The following GATA4 variants were observed in gnomAD, a reference collection of about 807,000 sequenced individuals.
GATA4 encodes the protein GATA binding protein 4.
A neutral mutation model predicts 37.9 loss-of-function variants in GATA4; 7 were observed. The observed-to-expected ratio is 0.18, with a 90% confidence interval of 0.11 to 0.35. The LOEUF (loss-of-function observed/expected upper bound fraction) is 0.35. Ranked by LOEUF, GATA4 falls within the 10% of genes least tolerant of loss-of-function variation. The pLI is 1.00. For missense variants in GATA4, 647 were observed against 653.0 expected (o/e 0.99, Z 0.10); for synonymous variants, 372 against 292.6 (o/e 1.27, Z -2.77).
Position 11,697,740 on chromosome 8 carries a change from C to A in GATA4, c.-728-2768C>A, listed in dbSNP as rs1271512201. On this transcript the variant is annotated intron_variant, in intron 1 of 2. Transcript: ENST00000526974. ...TTGACACTTTCCTGTCTCTGCTCGCCGCGCCAGGTCGCGGCGCCTGCCTGG... is the reference window on the plus strand; with the variant it reads ...TTGACACTTTCCTGTCTCTGCTCGCAGCGCCAGGTCGCGGCGCCTGCCTGG... 4.1e-6 allele frequency: 4 copies of A among 985,308 alleles called. No homozygotes were observed. In the African/African-American group the frequency reaches 7.0e-5, roughly 17 times the overall value. The allele number at this position is 985,308 out of a possible 1,614,324, so 61.0% of individuals were successfully genotyped here. A position where few individuals can be genotyped will look rare whatever the true frequency, so the allele number is the denominator to read the frequency against.
intron 2 of GATA4, among the ~76,000 whole-genome samples, chr8:11,711,717 C>G (rs922449196): frequency 9.5e-5 from 14 of 146,740 alleles, no homozygotes; most frequent in African/African-American, 3.6e-4. Flanking sequence ...CACTGCACTC[C>G]AGCCTGGGTG....
At chr8:11,730,175 A>G (rs563061937) in intron 2 of GATA4, among the ~76,000 whole-genome samples, 6 of 152,234 alleles carry the variant, frequency 3.9e-5, no homozygotes, top group Non-Finnish European at 5.9e-5. Context: ...CAGCCTCCCA[A>G]TGTGCTGGGA....
chr8:11,736,302 A>C (rs902313072), intron 2 of GATA4, among the ~76,000 whole-genome samples: 2 of 152,254 alleles, frequency 1.3e-5, no homozygotes, highest in African/African-American at 4.8e-5. Flanking sequence ...ATGCAGTGCC[A>C]CGTTGAATGC....
rs1022187831 is a variant in GATA4, at chr8:11,685,627, G to A, written c.-274+8564G>A. Among the ~76,000 whole-genome samples, 2 of 152,212 alleles carry A rather than the reference G, an allele frequency of 1.3e-5. 1 individual carries two copies. Among genetic ancestry groups the A allele is most frequent in the Non-Finnish European group, 2.9e-5 (2 of 68,036 alleles). On this transcript the variant is annotated intron_variant, in intron 1 of 6. Coordinates refer to the GATA4 transcript ENST00000528712. The stretch of plus-strand genomic sequence containing the variant: ...AGGCTAGAGATGTTCACAGTTGGTA[G>A]GAGTGATTTTTCCACAAGGAAGAGA...
At chr8:11,692,650 C>T (rs1799353474) in exon 1 of GATA4, 1 of 985,190 alleles carries the variant, frequency 1.0e-6, no homozygotes, top group East Asian at 1.1e-4. Context: ...CTCAGCCGAC[C>T]TCCACCGCGG....
chr8:11,732,702 T>C (rs1585648397), intron 2 of GATA4, among the ~76,000 whole-genome samples: 1 of 152,042 alleles, frequency 6.6e-6, no homozygotes, highest in Non-Finnish European at 1.5e-5. Flanking sequence ...GAAGAGGAGG[T>C]AGAGACTTCC....
In GATA4 at chr8:11,708,287, A is replaced by G. The variant is rs540411970; in HGVS notation, c.-26A>G. 2.5e-5 allele frequency: 39 copies of G among 1,562,162 alleles called. No individual in the cohort carries two copies. In the South Asian group the frequency reaches 4.4e-4, roughly 18 times the overall value. ...TTGACCTGCGAGGGAGAGAGAGGAC[A>G]CCGAAGCCGGGAGCTCGCAGGGACC... On this transcript the variant is annotated 5_prime_UTR_variant, in exon 2 of 7. Coordinates refer to ENST00000532059, the MANE Select transcript of GATA4 (RefSeq NM_001308093.3). The surrounding 1 kb of genome is among the most constrained non-coding windows in gnomAD (Gnocchi z 6.7).
At chr8:11,745,594 T>C (rs1188332484) in intron 2 of GATA4, among the ~76,000 whole-genome samples, 1 of 151,250 alleles carries the variant, frequency 6.6e-6, no homozygotes, top group East Asian at 2.0e-4. Flanking sequence ...TCACAAAAAG[T>C]TTTTCTTTAC....
At chr8:11,712,762 G>A (rs921525100) in intron 2 of GATA4, among the ~76,000 whole-genome samples, 7 of 152,026 alleles carry the variant, frequency 4.6e-5, no homozygotes, top group Non-Finnish European at 8.8e-5. Flanking sequence ...TCAGGAGGCT[G>A]AGGTGGGAGG....
upstream of GATA4, among the ~76,000 whole-genome samples, chr8:11,691,524 G>A (rs1466619931): frequency 1.3e-5 from 2 of 152,190 alleles, no homozygotes; most frequent in Admixed American, 6.5e-5. Context: ...GCTGGATTTC[G>A]AGAGCTTAAA....
chr8:11,686,243 C>A (rs1799132691), intron 1 of GATA4, among the ~76,000 whole-genome samples: 1 of 150,450 alleles, frequency 6.6e-6, no homozygotes, highest in Non-Finnish European at 1.5e-5. Context: ...CTTAATGTAG[C>A]ACATCCCAGT....
Position 11,680,426 on chromosome 8 carries a change from C to G in GATA4, c.-274+3363C>G, listed in dbSNP as rs1212388002. ...GCCCTCGGCCCACGAGGCTGAGGAG[C>G]TCCCTCTCATCGCCTCTCCGTTCCT... On this transcript the variant is annotated intron_variant, in intron 1 of 6. Coordinates refer to the GATA4 transcript ENST00000528712. 3 of 961,768 alleles carry G rather than the reference C, an allele frequency of 3.1e-6. No homozygotes were observed. The African/African-American group carries it at 5.3e-5, about 17-fold the overall frequency. 59.6% of individuals were successfully genotyped at this position (961,768 alleles called of 1,614,324 possible). A position where few individuals can be genotyped will look rare whatever the true frequency, so the allele number is the denominator to read the frequency against.
chr8:11,681,479 G>T, intron 1 of GATA4: 1 of 935,858 alleles, frequency 1.1e-6, no homozygotes, highest in Non-Finnish European at 1.2e-6. Flanking sequence ...CCCCGCGCGG[G>T]GTGCGGCGCT....
intron 4 of GATA4, among the ~76,000 whole-genome samples, chr8:11,754,738 C>T (rs756452791): frequency 3.9e-5 from 6 of 152,156 alleles, no homozygotes; most frequent in Admixed American, 6.5e-5. Context: ...TTTACATCAC[C>T]GACCAGAGTC....
At chr8:11,719,798 C>A (rs965658315) in intron 2 of GATA4, among the ~76,000 whole-genome samples, 1 of 152,096 alleles carries the variant, frequency 6.6e-6, no homozygotes, top group African/African-American at 2.4e-5. Flanking sequence ...TTAAATAAAG[C>A]AGAAATGAGA....
chr8:11,734,407 A>T (rs35726503), intron 2 of GATA4, among the ~76,000 whole-genome samples: 83,709 of 152,086 alleles, frequency 0.55, 24,054 homozygotes, highest in African/African-American at 0.65. Context: ...CTGGTGAGAG[A>T]CCCAAGCCTG....
At chr8:11,681,409 G>T in intron 1 of GATA4, 1 of 985,260 alleles carries the variant, frequency 1.0e-6, no homozygotes. Context: ...GATCACGCGT[G>T]GCTCAACTCG....
chr8:11,743,545 C>T (rs1297268219), intron 2 of GATA4, among the ~76,000 whole-genome samples: 1 of 152,232 alleles, frequency 6.6e-6, no homozygotes, highest in African/African-American at 2.4e-5. Flanking sequence ...CCAGCAGTGC[C>T]CAGGGGAGGG....
chr8:11,712,216 T>G (rs1022629142), intron 2 of GATA4, among the ~76,000 whole-genome samples: 34 of 152,402 alleles, frequency 2.2e-4, no homozygotes, highest in Non-Finnish European at 4.8e-4. Context: ...ATTTTGCTGG[T>G]GTGCCCAGGA....
Sources: allele counts gnomAD v4.1 joint callset (sites outside exome capture counted in the v4.1 genomes callset), GRCh38; gene constraint gnomAD v4.1.1; non-coding constraint Gnocchi (gnomAD v3.1); transcripts MANE v1.5; gene names NCBI Gene and HGNC (gene_info 2026-07-23, HGNC 2026-07-21).